The following TRIM72 variants were observed in gnomAD, a reference collection of about 807,000 sequenced individuals.
The protein encoded by TRIM72 is tripartite motif-containing protein 72.
In TRIM72, 33 loss-of-function variants were observed where a neutral mutation model predicts 31.6. The observed-to-expected ratio is 1.04, with a 90% CI of 0.79 to 1.40. The LOEUF is 1.40. TRIM72 is among the 40% of genes most tolerant of loss of function. The pLI, the probability that TRIM72 is intolerant of heterozygous loss-of-function variation, is 0.00. For synonymous variants in TRIM72, 301 were observed against 314.4 expected, an observed-to-expected ratio of 0.96 and a Z score of 0.45; for missense variants, 666 against 682.7, an observed-to-expected ratio of 0.98 and a Z score of 0.27.
Position 31,219,376 on chromosome 16 carries a change from C to T in TRIM72, c.574C>T (p.Arg192Cys), listed in dbSNP as rs115885262. The T allele has an allele frequency of 2.0e-3, 3,174 of 1,614,078 alleles. 40 individuals are homozygous for T. In the African/African-American group the frequency reaches 0.036, roughly 18 times the overall value. Residue 192 changes from arginine to cysteine, a missense_variant, in exon 4 of 7, where the codon CGC (arginine) becomes TGC (cysteine). Coordinates refer to ENST00000322122, the MANE Select transcript of TRIM72 (RefSeq NM_001008274.4). This position sits in a 1 kb window ranked among gnomAD's most constrained non-coding sequence, Gnocchi z 4.2. ...GGCTGCACTGGAGGGCTCCTTGGAC[C>T]GCGAGGCAGAGCGTGTACGGGGTGA... ...FLAALEGSLDREAERVRGEAG... is the reference protein window; with the variant it reads ...FLAALEGSLDCEAERVRGEAG...
chr16:31,224,251 C>T lies in TRIM72; in HGVS notation c.930C>T (p.Arg310=), dbSNP rs372288148. Residue 310 remains arginine (R), a synonymous_variant, in exon 7 of 7, where the codon CGC becomes CGT. Transcript: ENST00000322122. ...TGGTGGTGTCTTCCTCTGGCCGCCG[C>T]GTGGAGTGCTCGGAGCAGAAGGCGC... ...PSLVVSSSGR[R]VECSEQKAPP... is the part of the protein sequence containing the mutation. 6 of 1,605,078 alleles carry T rather than the reference C, an allele frequency of 3.7e-6. No homozygotes were observed. The African/African-American group carries it at 8.0e-5, about 21-fold the overall frequency.
At position 31,227,126 on chromosome 16, in the gene TRIM72, A is replaced by G. The variant is rs960725547; in HGVS notation, c.*2371A>G. ...TAGCTAAGGGATTATTTGGTTGTAA[A>G]ATCCAACACCATTAATAAAACTGTT... On this transcript the variant is annotated 3_prime_UTR_variant, in exon 7 of 7. Transcript: ENST00000322122. The G allele has an allele frequency of 1.3e-4, 20 of 152,178 alleles. No individual in the cohort carries two copies. Among genetic ancestry groups the G allele is most frequent in the Admixed American group, 1.3e-4 (2 of 15,270 alleles). The allele number at this position is 152,178 out of a possible 1,614,324, so 9.4% of individuals were successfully genotyped here.
intron 5 of TRIM72, among the ~76,000 whole-genome samples, chr16:31,221,591 TG>T (rs1305354336): frequency 8.6e-5 from 8 of 93,306 alleles, no homozygotes; most frequent in South Asian, 3.7e-4. Context: ...AGGGCATTGC[TG>T]GGGAGAAGGG....
rs2079509312 is a variant in TRIM72 at position 31,216,501 on chromosome 16, A to G, written c.390+1373A>G. The G allele has an allele frequency of 4.2e-6, 2 of 474,414 alleles. No homozygotes were observed. Among genetic ancestry groups the G allele is most frequent in the East Asian group, 6.6e-5 (2 of 30,316 alleles). 29.4% of individuals were successfully genotyped at this position (474,414 alleles called of 1,614,324 possible). A position where few individuals can be genotyped will look rare whatever the true frequency, so the allele number is the denominator to read the frequency against. On this transcript the variant is annotated intron_variant, in intron 2 of 6. Coordinates refer to ENST00000322122, the MANE Select transcript of TRIM72 (RefSeq NM_001008274.4). This position sits in a 1 kb window ranked among gnomAD's most constrained non-coding sequence, Gnocchi z 6.7. ...GCCCGTCTTTATCTGCGAAGAAAGC[A>G]CAGAACCCATGAAACGGAACAGGGC... is the stretch of plus-strand genomic sequence containing the variant.
Position 31,224,631 on chromosome 16 carries a change from CG to C in TRIM72, c.1311del (p.Leu438PhefsTer46). On this transcript the variant is annotated frameshift_variant, in exon 7 of 7. Transcript: ENST00000322122. LOFTEE classifies it high-confidence loss of function. ...GCCAGCGACGCCGACGCGCTCGTGC[CG>C]CTTTTTGCCTTCCACGAGCGCCTGC... ...YDASDADALV[P>X]LFAFHERLPR... is the part of the protein sequence containing the mutation. 6.5e-7 allele frequency: 1 copy of C among 1,549,034 alleles called. No individual in the cohort carries two copies. The highest frequency in any genetic ancestry group is 1.2e-5 in the South Asian group (1 of 85,100).
rs768721119 is a variant in TRIM72, at chr16:31,219,359, T to C, written c.557T>C (p.Leu186Pro). ...AAGATGCGGGTGTTCCTGGCTGCAC[T>C]GGAGGGCTCCTTGGACCGCGAGGCA... ...LGKMRVFLAA[L>P]EGSLDREAER... Residue 186 changes from leucine to proline, a missense_variant, in exon 4 of 7, where the codon CTG (leucine) becomes CCG (proline). Coordinates refer to ENST00000322122, the MANE Select transcript of TRIM72 (RefSeq NM_001008274.4). This position sits in a 1 kb window ranked among gnomAD's most constrained non-coding sequence, Gnocchi z 4.2. 1.9e-6 allele frequency: 3 copies of C among 1,614,136 alleles called. No homozygotes were observed. The highest frequency in any genetic ancestry group is 3.3e-5 in the Admixed American group (2 of 60,022).
rs776543382 is a variant in TRIM72 at position 31,224,759 on chromosome 16, G to T, written c.*4G>T. On this transcript the variant is annotated 3_prime_UTR_variant, in exon 7 of 7. Transcript: ENST00000322122. ...TCCCGAAGGCGCCGAGGCCTGAGCC[G>T]CCGGACGGGTAGTGGAGGGGCGCGG... 2 of 1,469,020 alleles carry T rather than the reference G, an allele frequency of 1.4e-6. No individual in the cohort carries two copies. Among genetic ancestry groups the T allele is most frequent in the Admixed American group, 4.9e-5 (2 of 40,944 alleles). 91.0% of individuals were successfully genotyped at this position (1,469,020 alleles called of 1,614,324 possible).
In TRIM72 at chr16:31,214,854, G is replaced by GC; in HGVS notation, c.118dup (p.Arg40ProfsTer161). On this transcript the variant is annotated frameshift_variant, in exon 2 of 7. Coordinates refer to ENST00000322122, the MANE Select transcript of TRIM72 (RefSeq NM_001008274.4). LOFTEE classifies it high-confidence loss of function. ...CACAGTTTCTGCCGCGCCTGCCTAG[G>GC]CCGCGTGGCCGGGGAGCCGGCGGCG... The GC allele has an allele frequency of 6.5e-7, 1 of 1,540,040 alleles. No individual in the cohort carries two copies. Among genetic ancestry groups the GC allele is most frequent in the Non-Finnish European group, 8.7e-7 (1 of 1,152,218 alleles).
In TRIM72 at chr16:31,227,147, CTG is replaced by C. The variant is rs1399947756; in HGVS notation, c.*2394_*2395del. On this transcript the variant is annotated 3_prime_UTR_variant, in exon 7 of 7. Transcript: ENST00000322122. Reference sequence around the variant, plus strand: ...GTAAAATCCAACACCATTAATAAAACTGTTATATTCTGACTCCTTCCTCATTA... The same window carrying C: ...GTAAAATCCAACACCATTAATAAAACTTATATTCTGACTCCTTCCTCATTA... 6.6e-6 allele frequency: 1 copy of C among 152,192 alleles called. No homozygotes were observed. Among genetic ancestry groups the C allele is most frequent in the Non-Finnish European group, 1.5e-5 (1 of 68,040 alleles). The allele number at this position is 152,192 out of a possible 1,614,324, so 9.4% of individuals were successfully genotyped here.
rs753594254 is a variant in TRIM72, at chr16:31,219,191, G to C, written c.486+1G>C. 1 of 1,613,434 alleles carries C rather than the reference G, an allele frequency of 6.2e-7. No homozygotes were observed. Among genetic ancestry groups the C allele is most frequent in the South Asian group, 1.1e-5 (1 of 90,982 alleles). ...GGAGCATCAGCTGGTGGAGGTGGAG[G>C]TGAGGACTTCACAGGGCCATGTCTG... On this transcript the variant is annotated splice_donor_variant, in intron 3 of 6. Transcript: ENST00000322122. LOFTEE classifies it high-confidence loss of function. This position sits in a 1 kb window ranked among gnomAD's most constrained non-coding sequence, Gnocchi z 4.2.
chr16:31,216,796 A>G lies in TRIM72; in HGVS notation c.390+1668A>G, dbSNP rs143371283. ...CTGCAGCCGTGCGGCCTCCTCCAAC[A>G]TGCGCATGTCGCGCAGCACGGCCAC... On this transcript the variant is annotated intron_variant, in intron 2 of 6. Coordinates refer to ENST00000322122, the MANE Select transcript of TRIM72 (RefSeq NM_001008274.4). The surrounding 1 kb of genome is among the most constrained non-coding windows in gnomAD (Gnocchi z 6.7). 6.3e-5 allele frequency: 102 copies of G among 1,610,838 alleles called. No homozygotes were observed. In the Middle Eastern group the frequency reaches 8.3e-4, roughly 13 times the overall value.
intron 5 of TRIM72, 139 bp downstream of exon 5, chr16:31,221,057 T>C: frequency 8.9e-7 from 1 of 1,119,040 alleles, no homozygotes; most frequent in African/African-American, 1.5e-5. Flanking sequence ...GAACACAAGG[T>C]TGTAGACAGA....
At chr16:31,223,027 T>A in intron 6 of TRIM72, 82 bp downstream of exon 6, 1 of 1,071,274 alleles carries the variant, frequency 9.3e-7, no homozygotes, top group Non-Finnish European at 1.4e-6. Context: ...GGCCTCCCAG[T>A]CCCAACTGGG....
rs2079505124 is a variant in TRIM72, at chr16:31,215,715, G to A, written c.390+587G>A. 6.6e-6 allele frequency among the ~76,000 whole-genome samples: 1 copy of A among 152,218 alleles called. No homozygotes were observed. The highest frequency in any genetic ancestry group is 1.5e-5 in the Non-Finnish European group (1 of 68,030). ...GAGACTGTAAGGGCTAGGCAGCCGG[G>A]ATCTGCACTTATGTGTGCGGGCCCA... is the stretch of plus-strand genomic sequence containing the variant. On this transcript the variant is annotated intron_variant, in intron 2 of 6. Transcript: ENST00000322122. The surrounding 1 kb of genome is among the most constrained non-coding windows in gnomAD (Gnocchi z 6.3).
rs946556250 is a variant in TRIM72 at position 31,219,758 on chromosome 16, CTTATTT to C, written c.717+248_717+253del. Among the ~76,000 whole-genome samples the C allele has an allele frequency of 2.4e-4, 36 of 152,168 alleles. No individual in the cohort carries two copies. The highest frequency in any genetic ancestry group is 8.2e-4 in the African/African-American group (34 of 41,538). On this transcript the variant is annotated intron_variant, in intron 4 of 6. Coordinates refer to ENST00000322122, the MANE Select transcript of TRIM72 (RefSeq NM_001008274.4). This position sits in a 1 kb window ranked among gnomAD's most constrained non-coding sequence, Gnocchi z 4.2. Reference sequence around the variant, plus strand: ...AGGTTTATATATTTATTAGGACACTCTTATTTTTATTTTTTATTTTTTGAGATGGAG... The same window carrying C: ...AGGTTTATATATTTATTAGGACACTCTTATTTTTTATTTTTTGAGATGGAG...
chr16:31,214,500 A>T (rs2079497129), intron 1 of TRIM72, among the ~76,000 whole-genome samples: 1 of 152,154 alleles, frequency 6.6e-6, no homozygotes, highest in Admixed American at 6.5e-5. Flanking sequence ...CTGATAGGGC[A>T]TATTTTTGGG....
At chr16:31,223,006 CA>C in intron 6 of TRIM72, 61 bp downstream of exon 6, 1 of 1,369,186 alleles carries the variant, frequency 7.3e-7, no homozygotes, top group Non-Finnish European at 1.0e-6. Flanking sequence ...AGGCCCTAGC[CA>C]CCCTGGAGAG....
rs2144192573 is a variant in TRIM72, at chr16:31,219,050, T to C, written c.391-45T>C. 6.5e-7 allele frequency: 1 copy of C among 1,530,344 alleles called. No individual in the cohort carries two copies. The allele number at this position is 1,530,344 out of a possible 1,614,324, so 94.8% of individuals were successfully genotyped here. A position where few individuals can be genotyped will look rare whatever the true frequency, so the allele number is the denominator to read the frequency against. ...GGTTTAGGATGGGAGGTGTGGGTTT[T>C]GGGTGGGTGGCATCCCCATCACTTC... On this transcript the variant is annotated intron_variant, in intron 2 of 6. Coordinates refer to ENST00000322122, the MANE Select transcript of TRIM72 (RefSeq NM_001008274.4). The surrounding 1 kb of genome is among the most constrained non-coding windows in gnomAD (Gnocchi z 4.2).
intron 4 of TRIM72, among the ~76,000 whole-genome samples, chr16:31,220,455 C>CAT (rs1567494449): frequency 3.0e-5 from 1 of 33,330 alleles, no homozygotes; most frequent in Non-Finnish European, 6.4e-5. Context: ...GTCTCTTTTG[C>CAT]GTTTTTTTTT....
Sources: gnomAD v4.1 joint callset for allele counts (sites outside exome capture counted in the v4.1 genomes callset) on GRCh38, gnomAD v4.1.1 for gene constraint, Gnocchi (gnomAD v3.1) non-coding constraint, MANE v1.5 for transcripts, NCBI Gene and HGNC (gene_info 2026-07-23, HGNC 2026-07-21) for gene names.